ARFGEF3: variants seen among roughly 807,000 people sequenced by gnomAD.
ARFGEF3 encodes the protein ARFGEF family member 3, also known as brefeldin A-inhibited guanine nucleotide-exchange protein 3.
A neutral mutation model predicts 221.7 loss-of-function variants in ARFGEF3; 96 were observed. The ratio of observed to expected loss-of-function variants is 0.43; its 90% CI spans 0.37 to 0.51. ARFGEF3 has a LOEUF of 0.51. ARFGEF3 is among the 20% of genes least tolerant of loss of function. The probability of loss-of-function intolerance (pLI) is 0.00; values close to 1 mark genes in which losing one functional copy is unlikely to be tolerated. For missense variants in ARFGEF3, 2,410 were observed against 2,789.9 expected, an observed-to-expected ratio of 0.86 and a Z score of 3.07; for synonymous variants, 1,145 against 1,126.8, an observed-to-expected ratio of 1.02 and a Z score of -0.32.
intron 2 of ARFGEF3, among the ~76,000 whole-genome samples, chr6:138,202,681 CAAAA>C (rs11312359): frequency 8.5e-6 from 1 of 117,106 alleles, no homozygotes; most frequent in Non-Finnish European, 1.9e-5. Flanking sequence ...TATTTACTAG[CAAAA>C]AAAAAAAAAA....
At chr6:138,170,862 T>G (rs900736238) in intron 2 of ARFGEF3, 149 bp downstream of exon 2, 7 of 549,520 alleles carry the variant, frequency 1.3e-5, no homozygotes, top group Non-Finnish European at 1.6e-5. Context: ...GAACAGAGAT[T>G]TATTAGTTCA....
chr6:138,216,746 C>T (rs1042867674), intron 4 of ARFGEF3: 1 of 152,186 alleles, frequency 6.6e-6, no homozygotes, highest in Non-Finnish European at 1.5e-5. Flanking sequence ...GTAGCAATCT[C>T]TAGCGTTAAG....
chr6:138,170,267 T>C (rs929595256), intron 1 of ARFGEF3, among the ~76,000 whole-genome samples: 3 of 152,254 alleles, frequency 2.0e-5, no homozygotes, highest in Admixed American at 2.0e-4. Context: ...AACTTGAAAG[T>C]CTTTCACAAG....
At chr6:138,267,779 A>G (rs1778924575) in intron 12 of ARFGEF3, among the ~76,000 whole-genome samples, 1 of 152,230 alleles carries the variant, frequency 6.6e-6, no homozygotes, top group African/African-American at 2.4e-5. Flanking sequence ...AGACTGCCCA[A>G]ATTTTAGAGT....
At chr6:138,177,415 G>A (rs1371176514) in intron 2 of ARFGEF3, among the ~76,000 whole-genome samples, 1 of 152,032 alleles carries the variant, frequency 6.6e-6, no homozygotes, top group Non-Finnish European at 1.5e-5. Flanking sequence ...TACTGCACCT[G>A]GCTCACTTTT....
intron 2 of ARFGEF3, among the ~76,000 whole-genome samples, chr6:138,188,925 C>T (rs1404717329): frequency 6.6e-6 from 1 of 152,164 alleles, no homozygotes; most frequent in South Asian, 2.1e-4. Flanking sequence ...AGTACAGGAT[C>T]GATGGGGATG....
chr6:138,295,303 G>C (rs988108833), intron 20 of ARFGEF3, among the ~76,000 whole-genome samples: 2 of 152,100 alleles, frequency 1.3e-5, no homozygotes, highest in Non-Finnish European at 2.9e-5. Flanking sequence ...CTGTAAAATA[G>C]CAATAATTAT....
At chr6:138,219,471 C>T (rs150115266) in intron 4 of ARFGEF3, among the ~76,000 whole-genome samples, 2,792 of 152,190 alleles carry the variant, frequency 0.018, 48 homozygotes, top group Non-Finnish European at 0.028. Flanking sequence ...TCTTTGGCAT[C>T]GTGAAATATC....
chr6:138,239,811 A>G (rs9321653), intron 6 of ARFGEF3, among the ~76,000 whole-genome samples: 34,305 of 152,018 alleles, frequency 0.23, 6,348 homozygotes, highest in African/African-American at 0.5. Context: ...GGAATTGAGG[A>G]GAGCCTTAGA....
chr6:138,176,402 C>T (rs973834697), intron 2 of ARFGEF3, among the ~76,000 whole-genome samples: 3 of 152,014 alleles, frequency 2.0e-5, no homozygotes, highest in Admixed American at 1.3e-4. Context: ...AGGCTGGTCT[C>T]GAATGCCTGA....
intron 22 of ARFGEF3, among the ~76,000 whole-genome samples, chr6:138,300,063 C>A (rs1423512536): frequency 6.6e-6 from 1 of 151,678 alleles, no homozygotes; most frequent in Non-Finnish European, 1.5e-5. Flanking sequence ...AAAAAAGTCA[C>A]AAAACACACA....
chr6:138,296,678 C>G (rs907543966), intron 20 of ARFGEF3, 132 bp from the exon 21 acceptor site: 1 of 1,051,128 alleles, frequency 9.5e-7, no homozygotes, highest in African/African-American at 1.6e-5. Context: ...AGGGCTCCCT[C>G]CTCCCTTGGT....
intron 2 of ARFGEF3, among the ~76,000 whole-genome samples, chr6:138,187,065 G>A (rs1353912215): frequency 2.6e-5 from 4 of 151,822 alleles, no homozygotes; most frequent in African/African-American, 7.3e-5. Context: ...ACAGGCATGC[G>A]CCACCACACC....
chr6:138,302,756 G>C (rs1412775411), intron 22 of ARFGEF3, among the ~76,000 whole-genome samples: 1 of 152,180 alleles, frequency 6.6e-6, no homozygotes. Context: ...TATTTAAAGT[G>C]CTGGAAGAAA....
At chr6:138,315,641 G>T (rs1368253854) in intron 26 of ARFGEF3, among the ~76,000 whole-genome samples, 1 of 152,142 alleles carries the variant, frequency 6.6e-6, no homozygotes, top group African/African-American at 2.4e-5. Context: ...CACGAGGTCA[G>T]GAGTTCAAGA....
chr6:138,314,414 A>G (rs1408001079), intron 26 of ARFGEF3, among the ~76,000 whole-genome samples: 1 of 152,206 alleles, frequency 6.6e-6, no homozygotes, highest in African/African-American at 2.4e-5. Flanking sequence ...GGACACATTC[A>G]AACCATAGCA....
chr6:138,164,804 C>A (rs1408365566), intron 1 of ARFGEF3, among the ~76,000 whole-genome samples: 1 of 152,218 alleles, frequency 6.6e-6, no homozygotes, highest in Non-Finnish European at 1.5e-5. Context: ...TGAATCAACA[C>A]ATTTAGACCA....
intron 2 of ARFGEF3, among the ~76,000 whole-genome samples, chr6:138,179,795 A>G (rs896878809): frequency 2.0e-5 from 3 of 152,066 alleles, no homozygotes; most frequent in African/African-American, 7.2e-5. Context: ...AAGATATGCA[A>G]GTTTTTTTGG....
intron 32 of ARFGEF3, 112 bp from the exon 33 acceptor site, chr6:138,333,853 GTAGTT>G: frequency 2.7e-6 from 3 of 1,122,368 alleles, no homozygotes; most frequent in Non-Finnish European, 2.5e-6. Context: ...TTGAGTAGAG[GTAGTT>G]TAGTTTGTAA....
Sources: allele counts gnomAD v4.1 joint callset (sites outside exome capture counted in the v4.1 genomes callset), GRCh38; gene constraint gnomAD v4.1.1; transcripts MANE v1.5; gene names NCBI Gene and HGNC (gene_info 2026-07-23, HGNC 2026-07-21).